SH3RF3: variants seen among roughly 807,000 people sequenced by gnomAD.
SH3RF3 encodes the protein E3 ubiquitin-protein ligase SH3RF3.
In SH3RF3, 29 loss-of-function variants were observed where a neutral mutation model predicts 66.3. That is an observed-to-expected ratio of 0.44 (90% confidence interval 0.33 to 0.60). The LOEUF (loss-of-function observed/expected upper bound fraction) is 0.60, where lower values mean the gene tolerates loss of function less well. SH3RF3 is among the 20% of genes least tolerant of loss of function. SH3RF3 has a pLI of 0.04. For synonymous variants in SH3RF3, 583 were observed against 532.0 expected (o/e 1.10, Z -1.32); for missense variants, 1,194 against 1,190.9 (o/e 1.00, Z -0.04).
chr2:109,408,649 A>G (rs1056355421), intron 4 of SH3RF3, among the ~76,000 whole-genome samples: 2 of 152,204 alleles, frequency 1.3e-5, no homozygotes, highest in African/African-American at 2.4e-5. Context: ...CCGCACTGGC[A>G]CTCTCAGACA....
intron 3 of SH3RF3, among the ~76,000 whole-genome samples, chr2:109,392,630 T>C (rs1348457798): frequency 6.6e-6 from 1 of 152,068 alleles, no homozygotes; most frequent in Non-Finnish European, 1.5e-5. Context: ...GCCGTTCTCC[T>C]GCCTCAGCCT....
intron 1 of SH3RF3, among the ~76,000 whole-genome samples, chr2:109,291,280 CTT>C (rs11295870): frequency 0.016 from 2,182 of 137,156 alleles, 31 homozygotes; most frequent in African/African-American, 0.049. Context: ...AGAGTAATCT[CTT>C]TTTTTTTTTT....
chr2:109,348,492 A>G (rs1682766524), intron 2 of SH3RF3, among the ~76,000 whole-genome samples: 1 of 152,202 alleles, frequency 6.6e-6, no homozygotes, highest in Non-Finnish European at 1.5e-5. Context: ...GAGCAAACAA[A>G]ATAGCACTGA....
intron 1 of SH3RF3, among the ~76,000 whole-genome samples, chr2:109,312,488 T>C (rs1459595674): frequency 2.0e-5 from 3 of 152,082 alleles, no homozygotes; most frequent in African/African-American, 7.2e-5. Context: ...GAAGTTTTCA[T>C]CTCCCCAAAA....
intron 1 of SH3RF3, among the ~76,000 whole-genome samples, chr2:109,192,343 A>G (rs752310111): frequency 3.3e-5 from 5 of 152,254 alleles, no homozygotes; most frequent in Non-Finnish European, 7.3e-5. Context: ...ATGAGTTTTT[A>G]AAAACCTCTT....
At chr2:109,430,135 C>T (rs1677153169) in intron 5 of SH3RF3, among the ~76,000 whole-genome samples, 1 of 152,172 alleles carries the variant, frequency 6.6e-6, no homozygotes, top group Admixed American at 6.5e-5. Flanking sequence ...AAGGCAGCCC[C>T]GGACCCCAGA....
At chr2:109,323,610 G>C (rs975694298) in intron 1 of SH3RF3, among the ~76,000 whole-genome samples, 2 of 152,200 alleles carry the variant, frequency 1.3e-5, no homozygotes, top group African/African-American at 4.8e-5. Context: ...CACTGGGGCT[G>C]GAGACTCCTG....
At chr2:109,493,242 C>T (rs933365452) in intron 9 of SH3RF3, among the ~76,000 whole-genome samples, 8 of 151,796 alleles carry the variant, frequency 5.3e-5, no homozygotes, top group East Asian at 3.9e-4. Context: ...CATATACACA[C>T]GCACCACACA....
At chr2:109,147,318 G>T (rs911366650) in intron 1 of SH3RF3, among the ~76,000 whole-genome samples, 1 of 152,158 alleles carries the variant, frequency 6.6e-6, no homozygotes. Flanking sequence ...GCACATCAGG[G>T]AACCTCAAAT....
chr2:109,380,966 C>T (rs996168938), intron 3 of SH3RF3, among the ~76,000 whole-genome samples: 11 of 152,236 alleles, frequency 7.2e-5, no homozygotes, highest in African/African-American at 2.4e-4. Context: ...CAGCAGGAGT[C>T]GTTGCTGATT....
Position 109,490,612 on chromosome 2 carries a change from A to C in SH3RF3, c.2156A>C (p.Lys719Thr). The C allele has an allele frequency of 6.9e-7, 1 of 1,444,080 alleles. No individual in the cohort carries two copies. Among genetic ancestry groups the C allele is most frequent in the Non-Finnish European group, 9.1e-7 (1 of 1,096,444 alleles). 89.5% of individuals were successfully genotyped at this position (1,444,080 alleles called of 1,614,324 possible). The change falls in exon 9 of 10, where the codon AAG becomes ACG. Residue 719 changes from lysine (K) to threonine (T), a missense_variant. Physicochemically the swap from Lys to Thr is moderately conservative, Grantham distance 78. Transcript: ENST00000309415. ...LDEKKSEKKE[K>T]KSGLLKLLAG... ...TCTTGTGTGTCTCCCCAGAAAGAGA[A>C]GAAGAGTGGGCTCCTGAAGCTTCTA...
intron 1 of SH3RF3, among the ~76,000 whole-genome samples, chr2:109,204,499 C>G (rs1678760583): frequency 6.6e-6 from 1 of 152,044 alleles, no homozygotes; most frequent in South Asian, 2.1e-4. Context: ...CTCCCTTATT[C>G]TAGACTAGTT....
At position 109,143,818 on chromosome 2, in the gene SH3RF3, A is replaced by G. The variant is rs571929992; in HGVS notation, c.573+13705A>G. On this transcript the variant is annotated intron_variant, in intron 1 of 9. Coordinates refer to ENST00000309415, the MANE Select transcript of SH3RF3 (RefSeq NM_001099289.3). Reference sequence around the variant, plus strand: ...CCTGTGCTGTGCTGTATACACACACACACACACACACACACGTATATACAC... The same window carrying G: ...CCTGTGCTGTGCTGTATACACACACGCACACACACACACACGTATATACAC... 2.6e-3 allele frequency among the ~76,000 whole-genome samples: 397 copies of G among 151,896 alleles called. 4 individuals carry two copies. Among genetic ancestry groups the G allele is most frequent in the African/African-American group, 9.0e-3 (372 of 41,460 alleles).
intron 2 of SH3RF3, among the ~76,000 whole-genome samples, chr2:109,367,667 T>C (rs944909617): frequency 1.3e-5 from 2 of 152,258 alleles, no homozygotes; most frequent in African/African-American, 2.4e-5. Flanking sequence ...GTGTATTCCA[T>C]TGAATGCACA....
intron 9 of SH3RF3, among the ~76,000 whole-genome samples, chr2:109,499,584 G>A (rs1004466686): frequency 6.6e-6 from 1 of 152,188 alleles, no homozygotes. Flanking sequence ...GTGGGAGTGG[G>A]GATGGGGCCC....
chr2:109,443,500 G>T (rs1677628821), intron 7 of SH3RF3, among the ~76,000 whole-genome samples: 1 of 152,138 alleles, frequency 6.6e-6, no homozygotes, highest in South Asian at 2.1e-4. Context: ...TGACTTGGGG[G>T]TTACAAATCG....
intron 1 of SH3RF3, among the ~76,000 whole-genome samples, chr2:109,147,690 T>G (rs1403834971): frequency 6.6e-6 from 1 of 152,230 alleles, no homozygotes; most frequent in Admixed American, 6.5e-5. Flanking sequence ...TTGTATAGTT[T>G]CCGGCTTCTG....
At chr2:109,355,095 A>G (rs1022859482) in intron 2 of SH3RF3, among the ~76,000 whole-genome samples, 2 of 152,240 alleles carry the variant, frequency 1.3e-5, no homozygotes, top group Non-Finnish European at 1.5e-5. Flanking sequence ...AGCCACTGCC[A>G]TATGGTAACG....
chr2:109,205,388 A>G (rs866773368), intron 1 of SH3RF3, among the ~76,000 whole-genome samples: 5 of 151,692 alleles, frequency 3.3e-5, no homozygotes, highest in South Asian at 2.1e-4. Flanking sequence ...GGCATGCATC[A>G]CCATGCCTAG....
Sources: gnomAD v4.1 joint callset for allele counts (sites outside exome capture counted in the v4.1 genomes callset) on GRCh38, gnomAD v4.1.1 for gene constraint, MANE v1.5 for transcripts, NCBI Gene and HGNC (gene_info 2026-07-23, HGNC 2026-07-21) for gene names.